Variants in NPIPB11 observed in about 807,000 individuals in gnomAD.
The protein encoded by NPIPB11 is nuclear pore complex-interacting protein family member B11.
Under a neutral mutation model 32.8 loss-of-function variants are expected in NPIPB11, and 17 were observed. The observed-to-expected ratio is 0.52, with a 90% confidence interval of 0.35 to 0.78. NPIPB11 has a LOEUF of 0.78. Ranked by LOEUF, NPIPB11 falls within the 30% of genes least tolerant of loss-of-function variation. The pLI, the probability that NPIPB11 is intolerant of heterozygous loss-of-function variation, is 0.01. For synonymous variants in NPIPB11, 209 were observed against 398.4 expected (o/e 0.52, Z 5.66); for missense variants, 537 against 1,000.4 (o/e 0.54, Z 6.25).
Position 29,401,121 on chromosome 16 carries a change from C to T in NPIPB11, c.120+2562G>A, listed in dbSNP as rs150411191. 1.5e-3 allele frequency among the ~76,000 whole-genome samples: 231 copies of T among 152,208 alleles called. 6 individuals carry two copies. The East Asian group carries it at 0.039, about 26-fold the overall frequency. On this transcript the variant is annotated intron_variant, in intron 2 of 7. Transcript: ENST00000524087. Reference sequence around the variant, plus strand: ...TGTTTAGCACAATACATGCACGACACGGGGGCACTGTCAGTGTGGGAGCAA... The same window carrying T: ...TGTTTAGCACAATACATGCACGACATGGGGGCACTGTCAGTGTGGGAGCAA...
At chr16:29,402,068 A>T (rs1355061404) in intron 2 of NPIPB11, among the ~76,000 whole-genome samples, 1 of 151,264 alleles carries the variant, frequency 6.6e-6, no homozygotes, top group African/African-American at 2.4e-5. Context: ...CCTCTTATTG[A>T]CTGTAACCTC....
chr16:29,397,730 G>T (rs1963895518), intron 2 of NPIPB11: 14 of 351,262 alleles, frequency 4.0e-5, no homozygotes, highest in South Asian at 2.9e-4. Context: ...ACGGGGACCG[G>T]GCCCGGATCT....
chr16:29,397,230 T>C (rs1963877970), intron 2 of NPIPB11, among the ~76,000 whole-genome samples: 1 of 150,110 alleles, frequency 6.7e-6, no homozygotes. Flanking sequence ...CACTTTGTTT[T>C]GGTCCACTTT....
intron 2 of NPIPB11, among the ~76,000 whole-genome samples, chr16:29,401,206 C>G (rs1963983596): frequency 6.6e-6 from 1 of 152,138 alleles, no homozygotes; most frequent in East Asian, 1.9e-4. Context: ...CTGAAAGGAA[C>G]AGGAGACTTG....
At chr16:29,405,812 T>C (rs1964101507), upstream of NPIPB11, among the ~76,000 whole-genome samples, 1 of 152,188 alleles carries the variant, frequency 6.6e-6, no homozygotes, top group African/African-American at 2.4e-5. Context: ...GGCATTCTCA[T>C]GTGTAATCAG....
rs188230094 is a variant in NPIPB11 at position 29,401,213 on chromosome 16, C to G, written c.120+2470G>C. Reference sequence around the variant, plus strand: ...TGTGCAATCTGAAAGGAACAGGAGACTTGCAGGAAAAATAGTGCCTGGATT... The same window carrying G: ...TGTGCAATCTGAAAGGAACAGGAGAGTTGCAGGAAAAATAGTGCCTGGATT... On this transcript the variant is annotated intron_variant, in intron 2 of 7. Transcript: ENST00000524087. Among the ~76,000 whole-genome samples the G allele has an allele frequency of 1.0e-3, 153 of 152,222 alleles. 1 individual carries two copies. Among genetic ancestry groups the G allele is most frequent in the African/African-American group, 3.5e-3 (144 of 41,530 alleles).
intron 2 of NPIPB11, among the ~76,000 whole-genome samples, chr16:29,401,650 G>C (rs1392805622): frequency 6.6e-6 from 1 of 152,142 alleles, no homozygotes; most frequent in Non-Finnish European, 1.5e-5. Context: ...TGGGCCACTT[G>C]AAAGTGGATG....
At chr16:29,401,781 C>T (rs1436224716) in intron 2 of NPIPB11, among the ~76,000 whole-genome samples, 2 of 152,108 alleles carry the variant, frequency 1.3e-5, no homozygotes, top group Non-Finnish European at 2.9e-5. Context: ...GAGCAGCTGA[C>T]AGCTCCCATA....
intron 3 of NPIPB11, among the ~76,000 whole-genome samples, chr16:29,390,692 A>G (rs373882013): frequency 3.1e-3 from 469 of 150,954 alleles, no homozygotes; most frequent in African/African-American, 9.9e-3. Context: ...AGGCTGGCAC[A>G]GTGGCTCACT....
chr16:29,390,791 C>T (rs910263307), intron 3 of NPIPB11, among the ~76,000 whole-genome samples: 1 of 151,798 alleles, frequency 6.6e-6, no homozygotes, highest in African/African-American at 2.4e-5. Flanking sequence ...TGGAGAAACA[C>T]TGTCTCTGCT....
exon 8 of NPIPB11, chr16:29,384,172 G>A (rs765634620): frequency 6.4e-7 from 1 of 1,568,462 alleles, no homozygotes; most frequent in Non-Finnish European, 8.5e-7. Context: ...GTTATACAAT[G>A]TTGTTGAGTT....
chr16:29,382,336 G>A lies in NPIPB11; in HGVS notation c.2596C>T (p.Leu866Phe), dbSNP rs530422843. Residue 866 changes from leucine (L) to phenylalanine (F), a missense_variant, in exon 8 of 8, where the codon CTC becomes TTC. Transcript: ENST00000524087. ...GATATTATCATCTGCTGAGGGTGGAGCTGAGGGTGGAAGGGGAGTGAGCTG... is the reference window on the plus strand; with the variant it reads ...GATATTATCATCTGCTGAGGGTGGAACTGAGGGTGGAAGGGGAGTGAGCTG... 74 of 1,004,232 alleles carry A rather than the reference G, an allele frequency of 7.4e-5. 1 individual carries two copies. The highest frequency in any genetic ancestry group is 9.6e-5 in the Non-Finnish European group (67 of 694,928). 62.2% of individuals were successfully genotyped at this position (1,004,232 alleles called of 1,614,324 possible). A position where few individuals can be genotyped will look rare whatever the true frequency, so the allele number is the denominator to read the frequency against.
At chr16:29,400,233 A>G (rs1963957964) in intron 2 of NPIPB11, among the ~76,000 whole-genome samples, 1 of 148,570 alleles carries the variant, frequency 6.7e-6, no homozygotes, top group Non-Finnish European at 1.5e-5. Flanking sequence ...ATCATAGCCC[A>G]AGCAGAGACA....
intron 2 of NPIPB11, among the ~76,000 whole-genome samples, chr16:29,394,429 CTTTT>C (rs1248252716): frequency 3.3e-5 from 4 of 122,344 alleles, no homozygotes; most frequent in African/African-American, 1.2e-4. Context: ...AAAAAAACCT[CTTTT>C]TTTTTTTTTT....
chr16:29,393,995 G>T (rs753464923), exon 3 of NPIPB11: 13 of 1,599,456 alleles, frequency 8.1e-6, no homozygotes, highest in Non-Finnish European at 1.1e-5. Flanking sequence ...TAACTTGTCG[G>T]AAACGCAATA....
chr16:29,398,925 G>A (rs572159294), intron 2 of NPIPB11, among the ~76,000 whole-genome samples: 2 of 151,760 alleles, frequency 1.3e-5, no homozygotes, highest in Non-Finnish European at 2.9e-5. Flanking sequence ...TACTGCCTGT[G>A]TGTGTGGACT....
chr16:29,406,170 G>A (rs547525041), upstream of NPIPB11, among the ~76,000 whole-genome samples: 1 of 152,352 alleles, frequency 6.6e-6, no homozygotes, highest in Admixed American at 6.5e-5. Flanking sequence ...TCTAAAGAAT[G>A]TATCTCTCAT....
exon 3 of NPIPB11, chr16:29,394,035 G>C (rs779316523): frequency 6.3e-7 from 1 of 1,599,428 alleles, no homozygotes; most frequent in Admixed American, 1.7e-5. Context: ...TTCCACCAAA[G>C]TCAGTCCCAC....
At chr16:29,397,575 C>A in intron 2 of NPIPB11, 1 of 1,521,544 alleles carries the variant, frequency 6.6e-7, no homozygotes, top group South Asian at 1.2e-5. Flanking sequence ...CACACGGATG[C>A]ACTGATGGCT....
Sources: gnomAD v4.1 joint callset for allele counts (sites outside exome capture counted in the v4.1 genomes callset) on GRCh38, gnomAD v4.1.1 for gene constraint, MANE v1.5 for transcripts, NCBI Gene and HGNC (gene_info 2026-07-23, HGNC 2026-07-21) for gene names.